The following NIBAN1 variants were observed in gnomAD, a reference collection of about 807,000 sequenced individuals.
NIBAN1 encodes niban apoptosis regulator 1.
A neutral mutation model predicts 75.1 loss-of-function variants in NIBAN1; 81 were observed. The ratio of observed to expected loss-of-function variants is 1.08; its 90% CI spans 0.90 to 1.30. The LOEUF is 1.30. Among genes scored for constraint, NIBAN1 ranks in the 50% most tolerant of loss-of-function variants. The pLI, the probability that NIBAN1 is intolerant of heterozygous loss-of-function variation, is 0.00. For missense variants in NIBAN1, 1,133 were observed against 1,128.1 expected (o/e 1.00, Z -0.06); for synonymous variants, 436 against 424.8 (o/e 1.03, Z -0.32).
chr1:184,839,703 A>G (rs767526443), intron 5 of NIBAN1, among the ~76,000 whole-genome samples: 32 of 151,702 alleles, frequency 2.1e-4, no homozygotes, highest in Non-Finnish European at 3.8e-4. Context: ...TCAAGCGATT[A>G]TCCTGCCTCA....
At chr1:184,921,350 A>G (rs1657528247) in intron 1 of NIBAN1, among the ~76,000 whole-genome samples, 1 of 152,150 alleles carries the variant, frequency 6.6e-6, no homozygotes, top group African/African-American at 2.4e-5. Flanking sequence ...TCCTAAGGTA[A>G]GCGAAAACAA....
chr1:184,922,582 TTTG>T (rs1476406630), intron 1 of NIBAN1, among the ~76,000 whole-genome samples: 1 of 152,016 alleles, frequency 6.6e-6, no homozygotes, highest in Non-Finnish European at 1.5e-5. Flanking sequence ...TTTTGTCCCT[TTTG>T]TTTTGTTTTT....
rs1458137038 is a variant in NIBAN1, at chr1:184,871,363, A to AG, written c.601+13269_601+13270insC. 2.7e-3 allele frequency among the ~76,000 whole-genome samples: 396 copies of AG among 147,938 alleles called. 7 individuals are homozygous for AG. Among genetic ancestry groups the AG allele is most frequent in the African/African-American group, 9.3e-3 (376 of 40,306 alleles). Reference sequence around the variant, plus strand: ...ACTCTATCTCAAAAAAAAAAAAAAAAAAAAAAAAAAGAGGAAAATGTGGAC... The same window carrying AG: ...ACTCTATCTCAAAAAAAAAAAAAAAAGAAAAAAAAAAGAGGAAAATGTGGAC... On this transcript the variant is annotated intron_variant, in intron 5 of 13. Transcript: ENST00000367511.
chr1:184,860,308 C>A (rs542657663), intron 5 of NIBAN1, among the ~76,000 whole-genome samples: 3 of 152,124 alleles, frequency 2.0e-5, no homozygotes, highest in East Asian at 1.9e-4. Context: ...GCAGATCTAC[C>A]TCAAACTTCC....
chr1:184,833,722 A>C (rs616620), intron 5 of NIBAN1, among the ~76,000 whole-genome samples: 96 of 152,296 alleles, frequency 6.3e-4, no homozygotes, highest in Non-Finnish European at 1.1e-3. Flanking sequence ...ATAGATAAAT[A>C]AATAAAAAGA....
intron 11 of NIBAN1, among the ~76,000 whole-genome samples, chr1:184,804,890 G>A (rs750290773): frequency 4.0e-5 from 6 of 151,814 alleles, no homozygotes; most frequent in South Asian, 2.1e-4. Context: ...CCAGGTTCAC[G>A]CCATTCTCCT....
chr1:184,883,215 C>T (rs1168777580), intron 5 of NIBAN1, among the ~76,000 whole-genome samples: 2 of 152,174 alleles, frequency 1.3e-5, no homozygotes, highest in Non-Finnish European at 2.9e-5. Context: ...GTCACCTGCT[C>T]ATACAGGACT....
chr1:184,885,282 C>T (rs745501855), intron 4 of NIBAN1, among the ~76,000 whole-genome samples: 103 of 152,184 alleles, frequency 6.8e-4, no homozygotes, highest in Non-Finnish European at 9.8e-4. Context: ...AAGTGATCTG[C>T]CCGCCTCAGC....
chr1:184,791,565 G>T lies in NIBAN1; in HGVS notation c.*3412C>A, dbSNP rs1653696888. 6.6e-6 allele frequency: 1 copy of T among 150,938 alleles called. No homozygotes were observed. Among genetic ancestry groups the T allele is most frequent in the Non-Finnish European group, 1.5e-5 (1 of 67,808 alleles). 9.3% of individuals were successfully genotyped at this position (150,938 alleles called of 1,614,324 possible). A position where few individuals can be genotyped will look rare whatever the true frequency, so the allele number is the denominator to read the frequency against. ...TATGTCTCTGCTTAAAGCTACAAGG[G>T]AAAAAATGACAAGCCCAGTTTTTTT... On this transcript the variant is annotated 3_prime_UTR_variant, in exon 14 of 14. Transcript: ENST00000367511.
chr1:184,798,205 A>G lies in NIBAN1; in HGVS notation c.1555-15T>C. 6.5e-7 allele frequency: 1 copy of G among 1,538,626 alleles called. No homozygotes were observed. The highest frequency in any genetic ancestry group is 1.4e-5 in the African/African-American group (1 of 73,402). Reference sequence around the variant, plus strand: ...TTCTGAAGCTCCTGGAGAGCAAGAGATTAGAAGATAAAGATGAAAAGGCAT... The same window carrying G: ...TTCTGAAGCTCCTGGAGAGCAAGAGGTTAGAAGATAAAGATGAAAAGGCAT... On this transcript the variant is annotated splice_polypyrimidine_tract_variant and intron_variant, in intron 12 of 13. Transcript: ENST00000367511.
At chr1:184,947,081 A>AAAG (rs1452870403) in intron 1 of NIBAN1, among the ~76,000 whole-genome samples, 1 of 152,150 alleles carries the variant, frequency 6.6e-6, no homozygotes, top group African/African-American at 2.4e-5. Flanking sequence ...CTCAAAAAGA[A>AAAG]AAGAAAAGAA....
intron 1 of NIBAN1, among the ~76,000 whole-genome samples, chr1:184,903,500 C>T (rs949386133): frequency 2.6e-5 from 4 of 152,248 alleles, no homozygotes; most frequent in East Asian, 1.9e-4. Context: ...GGCTTAGTGC[C>T]ATCCCCTTGG....
intron 1 of NIBAN1, among the ~76,000 whole-genome samples, chr1:184,932,579 T>G (rs1406300948): frequency 6.6e-6 from 1 of 152,296 alleles, no homozygotes; most frequent in East Asian, 1.9e-4. Context: ...GCTCACCTCC[T>G]GCTATGAGGC....
At chr1:184,825,170 T>C (rs1237637565) in intron 6 of NIBAN1, among the ~76,000 whole-genome samples, 1 of 152,208 alleles carries the variant, frequency 6.6e-6, no homozygotes. Flanking sequence ...CCATTTTCAT[T>C]TCATTTCCTG....
chr1:184,905,480 G>A (rs536368230), intron 1 of NIBAN1, among the ~76,000 whole-genome samples: 12 of 152,018 alleles, frequency 7.9e-5, no homozygotes, highest in Non-Finnish European at 1.5e-4. Flanking sequence ...GTAACCCCTC[G>A]TCCTAGTACC....
intron 1 of NIBAN1, among the ~76,000 whole-genome samples, chr1:184,969,595 C>T (rs372983253): frequency 2.6e-5 from 4 of 152,138 alleles, no homozygotes; most frequent in South Asian, 4.1e-4. Flanking sequence ...GGAGACCACA[C>T]CACCACAACA....
chr1:184,826,893 C>A (rs1213899086), intron 6 of NIBAN1, among the ~76,000 whole-genome samples: 1 of 152,024 alleles, frequency 6.6e-6, no homozygotes, highest in African/African-American at 2.4e-5. Flanking sequence ...GTGTCCCCAC[C>A]TAAATCTCAT....
chr1:184,892,762 T>C (rs1656702486), intron 3 of NIBAN1, among the ~76,000 whole-genome samples: 1 of 152,070 alleles, frequency 6.6e-6, no homozygotes, highest in African/African-American at 2.4e-5. Context: ...GTGAAGACTA[T>C]CTTGACTACT....
intron 1 of NIBAN1, among the ~76,000 whole-genome samples, chr1:184,938,774 A>G (rs1042950178): frequency 6.6e-6 from 1 of 152,232 alleles, no homozygotes; most frequent in African/African-American, 2.4e-5. Flanking sequence ...TATAAATACA[A>G]TTTTAAAGAC....
Sources: gnomAD v4.1 joint callset for allele counts (sites outside exome capture counted in the v4.1 genomes callset) on GRCh38, gnomAD v4.1.1 for gene constraint, MANE v1.5 for transcripts, NCBI Gene and HGNC (gene_info 2026-07-23, HGNC 2026-07-21) for gene names.